Variants in LY75 observed in about 807,000 individuals in gnomAD.
LY75 encodes C-type lectin domain family 13 member B.
LY75 carries 185 observed loss-of-function variants against 231.7 expected under a neutral mutation model. The observed-to-expected ratio is 0.80, with a 90% CI of 0.71 to 0.90. The LOEUF (loss-of-function observed/expected upper bound fraction) is 0.90, where lower values mean the gene tolerates loss of function less well. Ranked by LOEUF, LY75 falls within the 40% of genes least tolerant of loss-of-function variation. The pLI is 0.00. For synonymous variants in LY75, 668 were observed against 689.0 expected (o/e 0.97, Z 0.48); for missense variants, 1,947 against 2,050.2 (o/e 0.95, Z 0.97).
At chr2:159,823,873 A>G (rs540892506) in intron 28 of LY75, among the ~76,000 whole-genome samples, 1 of 152,250 alleles carries the variant, frequency 6.6e-6, no homozygotes, top group African/African-American at 2.4e-5. Flanking sequence ...AAGGAGAAAT[A>G]AAATCCTTGA....
intron 15 of LY75, 107 bp downstream of exon 15, chr2:159,860,714 C>G (rs542318180): frequency 7.3e-7 from 1 of 1,363,584 alleles, no homozygotes; most frequent in South Asian, 1.2e-5. Context: ...CTCACTGCAT[C>G]TAACATCATG....
At chr2:159,873,765 A>ACG (rs1442123633) in intron 12 of LY75, among the ~76,000 whole-genome samples, 1,542 of 103,686 alleles carry the variant, frequency 0.015, 14 homozygotes, top group Middle Eastern at 0.062. Flanking sequence ...ATATACATAA[A>ACG]TATATACATT....
Position 159,898,753 on chromosome 2 carries a change from G to C in LY75, c.401C>G (p.Ser134Ter), listed in dbSNP as rs1685976760. Residue 134 changes from serine (S) to a stop codon, truncating the protein, a stop_gained, in exon 2 of 35, where the codon TCA becomes TGA. Transcript: ENST00000263636. LOFTEE classifies it high-confidence loss of function. ...TTTCTTCCAGACATCAGATGCATTT[G>C]AGATTGCTGTGCCATGTCCATCCTT... The part of the protein sequence containing the change: ...ALKDGHGTAI[S>*]NASDVWKKGG... The C allele has an allele frequency of 6.2e-7, 1 of 1,613,998 alleles. No individual in the cohort carries two copies. Among genetic ancestry groups the C allele is most frequent in the Non-Finnish European group, 8.5e-7 (1 of 1,179,926 alleles).
chr2:159,882,243 A>C lies in LY75; in HGVS notation c.1127T>G (p.Val376Gly), dbSNP rs959343777. The change falls in exon 7 of 35, where the codon GTA (valine) becomes GGA (glycine). Residue 376 changes from valine to glycine, a missense_variant. Val to Gly is a moderately radical substitution (Grantham distance 109). Coordinates refer to ENST00000263636, the MANE Select transcript of LY75 (RefSeq NM_002349.4). The part of the protein sequence containing the change: ...LPNNGFCYLL[V>G]NESNSWDKAH... ...CTTATCCCAGGAATTACTTTCATTTACCAGCAGATAGCAAAATCCATTATT... is the reference window on the plus strand; with the variant it reads ...CTTATCCCAGGAATTACTTTCATTTCCCAGCAGATAGCAAAATCCATTATT... 1.2e-6 allele frequency: 2 copies of C among 1,613,940 alleles called. No individual in the cohort carries two copies. The highest frequency in any genetic ancestry group is 2.7e-5 in the African/African-American group (2 of 74,916).
chr2:159,808,721 T>TA (rs1682863159), intron 32 of LY75, 150 bp from the exon 33 acceptor site: 1 of 1,187,236 alleles, frequency 8.4e-7, no homozygotes, highest in Non-Finnish European at 1.1e-6. Flanking sequence ...AAACTGGTAT[T>TA]TAGGTCAAAA....
intron 1 of LY75, among the ~76,000 whole-genome samples, chr2:159,899,453 T>A (rs1298333081): frequency 6.6e-6 from 1 of 152,212 alleles, no homozygotes; most frequent in East Asian, 1.9e-4. Context: ...CCCTTCTCAT[T>A]TAATAAGACA....
chr2:159,806,785 T>C (rs1433575331), intron 34 of LY75, among the ~76,000 whole-genome samples, 188 bp downstream of exon 34: 1 of 152,224 alleles, frequency 6.6e-6, no homozygotes, highest in Admixed American at 6.5e-5. Flanking sequence ...CTGGACATCT[T>C]GTGCAGTTAT....
In LY75 at chr2:159,840,938, T is replaced by C; in HGVS notation, c.3298A>G (p.Thr1100Ala). ...ACAGTTTCTGAAGCATTCTGCAACGTCTGTCTGCTTTTAACTTCTGCATGT... is the reference window on the plus strand; with the variant it reads ...ACAGTTTCTGAAGCATTCTGCAACGCCTGTCTGCTTTTAACTTCTGCATGT... ...QKYSEVKSRQ[T>A]LQNASETVKY... is the part of the protein sequence containing the mutation. Residue 1100 changes from threonine to alanine, a missense_variant, in exon 25 of 35, where the codon ACG becomes GCG. Physicochemically the swap from Thr to Ala is moderately conservative, Grantham distance 58. Coordinates refer to ENST00000263636, the MANE Select transcript of LY75 (RefSeq NM_002349.4). 1.2e-6 allele frequency: 2 copies of C among 1,613,834 alleles called. No individual in the cohort carries two copies. Among genetic ancestry groups the C allele is most frequent in the Non-Finnish European group, 1.7e-6 (2 of 1,179,950 alleles).
intron 29 of LY75, among the ~76,000 whole-genome samples, 187 bp from the exon 30 acceptor site, chr2:159,817,219 T>C (rs1683147405): frequency 6.6e-6 from 1 of 152,222 alleles, no homozygotes; most frequent in Non-Finnish European, 1.5e-5. Flanking sequence ...AGTTCTCTGA[T>C]TGATATTTTA....
Position 159,904,665 on chromosome 2 carries a change from C to G in LY75, c.18G>C (p.Ala6=). The change falls in exon 1 of 35, where the codon GCG becomes GCC. Residue 6 remains alanine, a synonymous_variant. Coordinates refer to ENST00000263636, the MANE Select transcript of LY75 (RefSeq NM_002349.4). The stretch of plus-strand genomic sequence containing the variant: ...GGAGCCCCGCCGGGCGGCGAGGGGT[C>G]GCCCAGCCTGTCCTCATCCTGAGCT... The part of the protein sequence containing the change: MRTGW[A]TPRRPAGLLM... 6.7e-7 allele frequency: 1 copy of G among 1,485,404 alleles called. No individual in the cohort carries two copies. The highest frequency in any genetic ancestry group is 8.9e-7 in the Non-Finnish European group (1 of 1,121,040). The allele number at this position is 1,485,404 out of a possible 1,614,324, so 92.0% of individuals were successfully genotyped here. A position where few individuals can be genotyped will look rare whatever the true frequency, so the allele number is the denominator to read the frequency against.
At chr2:159,888,068 A>G (rs1008069424) in intron 4 of LY75, among the ~76,000 whole-genome samples, 10 of 152,210 alleles carry the variant, frequency 6.6e-5, no homozygotes, top group African/African-American at 2.4e-4. Flanking sequence ...CATTCTAAAG[A>G]TCTGAATATT....
rs1267384159 is a variant in LY75, at chr2:159,877,036, A to G, written c.1774+1288T>C. Among the ~76,000 whole-genome samples the G allele has an allele frequency of 2.7e-5, 4 of 145,510 alleles. No homozygotes were observed. The East Asian group carries it at 8.0e-4, about 29-fold the overall frequency. The stretch of plus-strand genomic sequence containing the variant: ...AAAAAAAAAAAAAAAAAAAAAAAAG[A>G]AAAAAGAAAAAGAAAAAAAGAAATC... On this transcript the variant is annotated intron_variant, in intron 11 of 34. Coordinates refer to ENST00000263636, the MANE Select transcript of LY75 (RefSeq NM_002349.4).
At chr2:159,865,459 T>A (rs944779644) in intron 13 of LY75, among the ~76,000 whole-genome samples, 2 of 152,126 alleles carry the variant, frequency 1.3e-5, no homozygotes, top group Non-Finnish European at 2.9e-5. Flanking sequence ...ATTATACTTA[T>A]CACCTATAAG....
At position 159,850,018 on chromosome 2, in the gene LY75, G is replaced by C. The variant is rs1249635199; in HGVS notation, c.3112C>G (p.Pro1038Ala). 1.1e-5 allele frequency: 18 copies of C among 1,613,716 alleles called. No individual in the cohort carries two copies. The highest frequency in any genetic ancestry group is 1.5e-5 in the Non-Finnish European group (18 of 1,179,868). ...NRELTYSNFH[P>A]LLVSGRLRIP... is the part of the protein sequence containing the mutation. ...CTCAGCCTCCCACTAACCAATAATG[G>C]GTGAAAGTTACTGTACGTCAGCTCT... is the stretch of plus-strand genomic sequence containing the variant. The change falls in exon 23 of 35, where the codon CCA becomes GCA. Residue 1038 changes from proline (P) to alanine (A), a missense_variant. Physicochemically the swap from Pro to Ala is conservative, Grantham distance 27. Transcript: ENST00000263636.
chr2:159,837,164 C>T (rs1468335695), intron 25 of LY75, among the ~76,000 whole-genome samples: 2 of 152,136 alleles, frequency 1.3e-5, no homozygotes, highest in East Asian at 1.9e-4. Flanking sequence ...GAAAACAAAT[C>T]GTTCTACCAA....
intron 16 of LY75, among the ~76,000 whole-genome samples, chr2:159,855,338 A>G (rs1191285934): frequency 3.3e-5 from 5 of 152,244 alleles, no homozygotes; most frequent in Non-Finnish European, 1.5e-5. Context: ...GAAGTTATTC[A>G]GGAACCACTT....
intron 27 of LY75, 68 bp from the exon 28 acceptor site, chr2:159,831,854 T>TA: frequency 7.7e-7 from 1 of 1,299,724 alleles, no homozygotes; most frequent in Middle Eastern, 2.2e-4. Flanking sequence ...TTGATAAGTT[T>TA]AAAACATTTT....
At chr2:159,833,905 C>A in intron 27 of LY75, 139 bp downstream of exon 27, 2 of 921,030 alleles carry the variant, frequency 2.2e-6, no homozygotes, top group Non-Finnish European at 3.1e-6. Flanking sequence ...CTTTGCTTCT[C>A]CTTTGCCTTC....
intron 30 of LY75, 123 bp from the exon 31 acceptor site, chr2:159,815,696 G>A (rs1372794737): frequency 1.6e-6 from 2 of 1,242,226 alleles, no homozygotes; most frequent in Non-Finnish European, 1.1e-6. Context: ...TTACAGTATT[G>A]TAGGTCTGAA....
Sources: gnomAD v4.1 joint callset for allele counts (sites outside exome capture counted in the v4.1 genomes callset) on GRCh38, gnomAD v4.1.1 for gene constraint, MANE v1.5 for transcripts, NCBI Gene and HGNC (gene_info 2026-07-23, HGNC 2026-07-21) for gene names.